Variants in ZSWIM6 observed in about 807,000 individuals in gnomAD.
The protein encoded by ZSWIM6 is zinc finger SWIM-type containing 6.
Under a neutral mutation model 113.2 loss-of-function variants are expected in ZSWIM6, and 9 were observed. The observed-to-expected ratio is 0.08, with a 90% confidence interval of 0.05 to 0.14. The LOEUF is 0.14. Ranked by LOEUF, ZSWIM6 falls within the 10% of genes least tolerant of loss-of-function variation. The pLI, the probability that ZSWIM6 is intolerant of heterozygous loss-of-function variation, is 1.00. For missense variants in ZSWIM6, 1,162 were observed against 1,552.2 expected (o/e 0.75, Z 4.22); for synonymous variants, 611 against 606.5 (o/e 1.01, Z -0.11).
At chr5:61,541,204 A>G (rs370161879) in intron 12 of ZSWIM6, among the ~76,000 whole-genome samples, 24 of 152,104 alleles carry the variant, frequency 1.6e-4, no homozygotes, top group South Asian at 2.1e-4. Context: ...CAGCCTCCCA[A>G]ATTGCCAGGA....
At chr5:61,537,282 A>AT (rs962100778) in intron 10 of ZSWIM6, among the ~76,000 whole-genome samples, 4 of 151,970 alleles carry the variant, frequency 2.6e-5, no homozygotes, top group African/African-American at 9.7e-5. Context: ...GTACAGGGGA[A>AT]TTTTTTTTCC....
At chr5:61,539,880 T>A in intron 12 of ZSWIM6, 121 bp downstream of exon 12, 1 of 976,944 alleles carries the variant, frequency 1.0e-6, no homozygotes, top group Non-Finnish European at 1.5e-6. Flanking sequence ...AGTACAAATC[T>A]GTTAGACTTC....
At chr5:61,353,921 T>G (rs1423282804) in intron 1 of ZSWIM6, among the ~76,000 whole-genome samples, 1 of 152,212 alleles carries the variant, frequency 6.6e-6, no homozygotes, top group Non-Finnish European at 1.5e-5. Flanking sequence ...TTCGAGTTCT[T>G]GTGGATTGTG....
At chr5:61,360,074 T>C (rs966867663) in intron 1 of ZSWIM6, among the ~76,000 whole-genome samples, 4 of 151,858 alleles carry the variant, frequency 2.6e-5, no homozygotes, top group African/African-American at 9.7e-5. Flanking sequence ...GAGAAGAGGA[T>C]GTTATCAAGT....
intron 3 of ZSWIM6, among the ~76,000 whole-genome samples, chr5:61,493,890 G>A (rs1026000306): frequency 4.6e-5 from 7 of 151,990 alleles, no homozygotes; most frequent in Non-Finnish European, 1.0e-4. Context: ...GTTTCTACTG[G>A]ACATATGAAA....
At chr5:61,541,827 T>G (rs1009930908) in intron 12 of ZSWIM6, 57 bp from the exon 13 acceptor site, 3 of 1,448,444 alleles carry the variant, frequency 2.1e-6, no homozygotes, top group Non-Finnish European at 9.5e-7. Context: ...TCCCCCCCCT[T>G]TTTTTTCATT....
rs1749649063 is a variant in ZSWIM6 at position 61,538,811 on chromosome 5, T to C, written c.2382-3T>C. The C allele has an allele frequency of 6.5e-7, 1 of 1,549,852 alleles. No homozygotes were observed. The highest frequency in any genetic ancestry group is 2.0e-5 in the Admixed American group (1 of 50,660). On this transcript the variant is annotated splice_polypyrimidine_tract_variant and splice_region_variant and intron_variant, in intron 10 of 13. Coordinates refer to ENST00000252744, the MANE Select transcript of ZSWIM6 (RefSeq NM_020928.2). ...GGCCACCTTCCTTGTCTTCTCATTA[T>C]AGGTTACTAGTATTGGAATCTACTG...
chr5:61,487,695 G>T (rs1473875795), intron 2 of ZSWIM6, among the ~76,000 whole-genome samples: 2 of 151,848 alleles, frequency 1.3e-5, no homozygotes, highest in South Asian at 4.2e-4. Flanking sequence ...TGTTATTGGC[G>T]TATAGAAACA....
chr5:61,535,769 G>A, intron 10 of ZSWIM6, 150 bp downstream of exon 10: 1 of 1,061,184 alleles, frequency 9.4e-7, no homozygotes, highest in Non-Finnish European at 1.3e-6. Context: ...TTGTGGAGGT[G>A]ATTTGCTTGT....
At chr5:61,457,564 C>A (rs1246699740) in intron 1 of ZSWIM6, among the ~76,000 whole-genome samples, 1 of 152,024 alleles carries the variant, frequency 6.6e-6, no homozygotes, top group African/African-American at 2.4e-5. Context: ...TCTTGTTGCC[C>A]AGGCTGGAGT....
At chr5:61,528,968 C>T (rs1749359130) in intron 7 of ZSWIM6, among the ~76,000 whole-genome samples, 1 of 152,172 alleles carries the variant, frequency 6.6e-6, no homozygotes, top group African/African-American at 2.4e-5. Context: ...TGGAATGGCT[C>T]TTCAGATATT....
At chr5:61,379,445 T>C (rs1181529497) in intron 1 of ZSWIM6, among the ~76,000 whole-genome samples, 2 of 152,146 alleles carry the variant, frequency 1.3e-5, no homozygotes, top group Admixed American at 6.5e-5. Flanking sequence ...CATTTTAAAA[T>C]TGTAGGGATT....
At chr5:61,421,021 G>A (rs1021565350) in intron 1 of ZSWIM6, among the ~76,000 whole-genome samples, 1 of 151,840 alleles carries the variant, frequency 6.6e-6, no homozygotes, top group South Asian at 2.1e-4. Context: ...CCAGGTTCAA[G>A]CAGTGCTCAT....
At chr5:61,422,425 G>C (rs1279483609) in intron 1 of ZSWIM6, among the ~76,000 whole-genome samples, 2 of 152,166 alleles carry the variant, frequency 1.3e-5, no homozygotes, top group South Asian at 2.1e-4. Flanking sequence ...CACTTACTAA[G>C]TGTCTATTTT....
At chr5:61,497,404 A>G (rs577677614) in intron 4 of ZSWIM6, among the ~76,000 whole-genome samples, 29 of 152,176 alleles carry the variant, frequency 1.9e-4, no homozygotes, top group Non-Finnish European at 2.9e-5. Flanking sequence ...ATGAAAACTT[A>G]TTTGTGGTAG....
chr5:61,391,842 T>G, intron 1 of ZSWIM6: 1 of 734,946 alleles, frequency 1.4e-6, no homozygotes, highest in East Asian at 2.5e-5. Context: ...GGGACCCATG[T>G]CTGGGAGCGG....
intron 1 of ZSWIM6, among the ~76,000 whole-genome samples, chr5:61,402,525 T>G (rs1459937578): frequency 6.6e-6 from 1 of 150,880 alleles, no homozygotes. Flanking sequence ...CTAGTTTGTT[T>G]TTTTTTTCCC....
At chr5:61,345,681 T>C (rs1186191772) in intron 1 of ZSWIM6, among the ~76,000 whole-genome samples, 1 of 152,226 alleles carries the variant, frequency 6.6e-6, no homozygotes, top group Non-Finnish European at 1.5e-5. Context: ...GGTGTAATGT[T>C]CTTAAATCCA....
intron 1 of ZSWIM6, among the ~76,000 whole-genome samples, chr5:61,333,977 G>C (rs960614008): frequency 3.3e-5 from 5 of 152,202 alleles, no homozygotes. Flanking sequence ...GCGGCAGCCC[G>C]GCACGACCCA....
Sources: gnomAD v4.1 joint callset for allele counts (sites outside exome capture counted in the v4.1 genomes callset) on GRCh38, gnomAD v4.1.1 for gene constraint, MANE v1.5 for transcripts, NCBI Gene and HGNC (gene_info 2026-07-23, HGNC 2026-07-21) for gene names.